The following SAMMSON variants were observed in gnomAD, a reference collection of about 807,000 sequenced individuals.
SAMMSON encodes survival associated mitochondrial melanoma specific oncogenic non-coding RNA, also known as long intergenic non-protein coding RNA 1212.
intron 4 of SAMMSON, among the ~76,000 whole-genome samples, chr3:70,159,202 T>G (rs1248157003): frequency 1.3e-5 from 2 of 152,108 alleles, no homozygotes. Context: ...TACTTTAACT[T>G]TTAGGGTACA....
At chr3:70,116,896 G>A (rs1325175818) in intron 4 of SAMMSON, among the ~76,000 whole-genome samples, 4 of 152,140 alleles carry the variant, frequency 2.6e-5, no homozygotes, top group Non-Finnish European at 4.4e-5. Flanking sequence ...CAGAATAACT[G>A]TAATTGAAAA....
At chr3:70,237,623 A>G (rs1358969414) in intron 4 of SAMMSON, among the ~76,000 whole-genome samples, 2 of 152,224 alleles carry the variant, frequency 1.3e-5, no homozygotes, top group Admixed American at 6.5e-5. Flanking sequence ...AGTGTCCTAC[A>G]TATAGTAAAC....
At chr3:70,399,854 C>T (rs904020227) in intron 2 of SAMMSON, among the ~76,000 whole-genome samples, 1 of 85,636 alleles carries the variant, frequency 1.2e-5, no homozygotes, top group Non-Finnish European at 2.4e-5. Flanking sequence ...GACTCTGACT[C>T]AAAAAAAAAA....
At chr3:70,153,653 C>T (rs570149615) in intron 4 of SAMMSON, among the ~76,000 whole-genome samples, 1 of 152,076 alleles carries the variant, frequency 6.6e-6, no homozygotes, top group South Asian at 2.1e-4. Context: ...TAAATATATT[C>T]TATATTTTTG....
At chr3:70,272,557 A>G (rs894776873) in intron 6 of SAMMSON, among the ~76,000 whole-genome samples, 9 of 152,234 alleles carry the variant, frequency 5.9e-5, no homozygotes, top group Non-Finnish European at 1.2e-4. Context: ...TAAGGCTGCT[A>G]TAAACATTCC....
chr3:70,430,699 C>T lies in SAMMSON; in HGVS notation n.234-31861C>T, dbSNP rs115598363. On this transcript the variant is annotated intron_variant and non_coding_transcript_variant, in intron 2 of 3. Transcript: ENST00000641053. ...TTTTACTATTGTTATCAGCACCAATCGAGTCTCTACCCACTGGGCATAAAT... is the reference window on the plus strand; with the variant it reads ...TTTTACTATTGTTATCAGCACCAATTGAGTCTCTACCCACTGGGCATAAAT... Among the ~76,000 whole-genome samples, 590 of 152,238 alleles carry T rather than the reference C, an allele frequency of 3.9e-3. 4 individuals are homozygous for T. Among genetic ancestry groups the T allele is most frequent in the African/African-American group, 0.013 (559 of 41,554 alleles).
At chr3:70,021,418 G>A (rs1205071475) in intron 3 of SAMMSON, among the ~76,000 whole-genome samples, 1 of 152,128 alleles carries the variant, frequency 6.6e-6, no homozygotes, top group Non-Finnish European at 1.5e-5. Context: ...TTTAGTCAAT[G>A]AAAATGATGA....
At chr3:70,258,839 GCAGGTGATGACC>G (rs1701841047) in intron 6 of SAMMSON, among the ~76,000 whole-genome samples, 1 of 152,046 alleles carries the variant, frequency 6.6e-6, no homozygotes. Flanking sequence ...AACGCTGAGA[GCAGGTGATGACC>G]CTATGATTGA....
At chr3:70,238,423 C>A (rs1701634173) in intron 4 of SAMMSON, among the ~76,000 whole-genome samples, 1 of 151,984 alleles carries the variant, frequency 6.6e-6, no homozygotes, top group East Asian at 1.9e-4. Flanking sequence ...AGCCTGGCAA[C>A]ATGTAGAAAT....
At chr3:70,052,153 T>G (rs1392713847) in intron 3 of SAMMSON, among the ~76,000 whole-genome samples, 2 of 150,700 alleles carry the variant, frequency 1.3e-5, no homozygotes, top group Non-Finnish European at 2.9e-5. Flanking sequence ...TATAACCTAT[T>G]TATTTTCTTA....
intron 9 of SAMMSON, among the ~76,000 whole-genome samples, chr3:70,364,813 A>G (rs1702907277): frequency 6.6e-6 from 1 of 151,160 alleles, no homozygotes; most frequent in African/African-American, 2.4e-5. Context: ...ATTTCCCCTT[A>G]CTGTAGTTTG....
rs115614525 is a variant in SAMMSON, at chr3:70,312,306, T to A, written n.739+21063T>A. Among the ~76,000 whole-genome samples, 564 of 152,324 alleles carry A rather than the reference T, an allele frequency of 3.7e-3. 8 individuals carry two copies. Among genetic ancestry groups the A allele is most frequent in the African/African-American group, 0.013 (546 of 41,582 alleles). ...AAACATTCAGTAGCTGTTTTAGTAT[T>A]TTCTATAGCCTATAGAAAAGCATGC... On this transcript the variant is annotated intron_variant and non_coding_transcript_variant, in intron 7 of 9. Transcript: ENST00000642114.
At chr3:70,290,565 C>G (rs561225683) in intron 6 of SAMMSON, among the ~76,000 whole-genome samples, 1 of 152,232 alleles carries the variant, frequency 6.6e-6, no homozygotes, top group African/African-American at 2.4e-5. Context: ...AGGCAGGCCT[C>G]CTTGAGCTGT....
intron 9 of SAMMSON, among the ~76,000 whole-genome samples, chr3:70,370,726 CAGAT>C (rs1702962226): frequency 6.6e-6 from 1 of 151,976 alleles, no homozygotes; most frequent in Non-Finnish European, 1.5e-5. Flanking sequence ...AGTCCTTTGT[CAGAT>C]AGATAGTTTG....
intron 4 of SAMMSON, among the ~76,000 whole-genome samples, chr3:70,208,510 T>A (rs956451395): frequency 6.6e-6 from 1 of 152,070 alleles, no homozygotes; most frequent in African/African-American, 2.4e-5. Context: ...ATTCAGAATT[T>A]TTAAAGCTCT....
At chr3:70,164,480 A>G (rs2067628755) in intron 4 of SAMMSON, among the ~76,000 whole-genome samples, 1 of 152,078 alleles carries the variant, frequency 6.6e-6, no homozygotes, top group South Asian at 2.1e-4. Context: ...TACTTATTGC[A>G]TGAATTCTGT....
chr3:70,119,406 G>A (rs1056627017), intron 4 of SAMMSON, among the ~76,000 whole-genome samples: 8 of 152,110 alleles, frequency 5.3e-5, no homozygotes, highest in African/African-American at 1.2e-4. Context: ...CTTAGAAAAC[G>A]GTAATTGAAT....
chr3:70,415,870 C>G (rs527777743), intron 2 of SAMMSON, among the ~76,000 whole-genome samples: 1 of 152,122 alleles, frequency 6.6e-6, no homozygotes, highest in Non-Finnish European at 1.5e-5. Context: ...TACAAATGAC[C>G]TTTTAAAACA....
At chr3:70,140,779 A>G (rs1362237600) in intron 4 of SAMMSON, among the ~76,000 whole-genome samples, 4 of 152,170 alleles carry the variant, frequency 2.6e-5, no homozygotes, top group Non-Finnish European at 4.4e-5. Context: ...GTTCTCTTCC[A>G]GTTTATAATG....
Sources: allele counts gnomAD v4.1 joint callset (sites outside exome capture counted in the v4.1 genomes callset), GRCh38; gene constraint gnomAD v4.1.1; transcripts MANE v1.5; gene names NCBI Gene and HGNC (gene_info 2026-07-23, HGNC 2026-07-21).